PDE1C: variants seen among roughly 807,000 people sequenced by gnomAD.
PDE1C encodes the protein phosphodiesterase 1C.
Under a neutral mutation model 93.1 loss-of-function variants are expected in PDE1C, and 62 were observed. The ratio of observed to expected loss-of-function variants is 0.67; its 90% CI spans 0.54 to 0.82. The LOEUF is 0.82. Among genes scored for constraint, PDE1C ranks in the 40% least tolerant of loss-of-function variants. The probability of loss-of-function intolerance (pLI) is 0.00; values close to 1 mark genes in which losing one functional copy is unlikely to be tolerated. For synonymous variants in PDE1C, 325 were observed against 310.1 expected (o/e 1.05, Z -0.50); for missense variants, 742 against 884.6 (o/e 0.84, Z 2.04).
chr7:31,828,568 T>C (rs1056331632), intron 11 of PDE1C, among the ~76,000 whole-genome samples, 195 bp from the exon 12 acceptor site: 1 of 152,166 alleles, frequency 6.6e-6, no homozygotes, highest in Non-Finnish European at 1.5e-5. Context: ...TGGGATCCAA[T>C]AGTTCCACCC....
At chr7:32,409,529 T>G (rs955047426) in intron 1 of PDE1C, among the ~76,000 whole-genome samples, 1 of 151,954 alleles carries the variant, frequency 6.6e-6, no homozygotes. Flanking sequence ...AGCAATAGAA[T>G]GCAACAGAAC....
chr7:31,974,525 G>C (rs1259809449), intron 2 of PDE1C, among the ~76,000 whole-genome samples: 1 of 152,110 alleles, frequency 6.6e-6, no homozygotes, highest in African/African-American at 2.4e-5. Flanking sequence ...CCACTGAAAT[G>C]ATGGCACTGT....
At position 31,964,865 on chromosome 7, in the gene PDE1C, G is replaced by A. The variant is rs147031159; in HGVS notation, c.129-84005C>T. The stretch of plus-strand genomic sequence containing the variant: ...CAAACAGGGTCTGGAGTGGACCTCC[G>A]GCAAACTCCAACAGACCTACAGCTG... On this transcript the variant is annotated intron_variant, in intron 2 of 17. Transcript: ENST00000396191. Among the ~76,000 whole-genome samples the A allele has an allele frequency of 3.8e-3, 575 of 152,272 alleles. 20 individuals are homozygous for A. In the East Asian group the frequency reaches 0.086, roughly 23 times the overall value.
At chr7:31,632,013 A>C in the PDE1C span, among the ~76,000 whole-genome samples, 1 of 152,190 alleles carries the variant, frequency 6.6e-6, no homozygotes, top group African/African-American at 2.4e-5. Context: ...GTTAGGAATG[A>C]AGGCTTCCAG....
At chr7:32,156,129 A>AT (rs920731042) in intron 3 of PDE1C, among the ~76,000 whole-genome samples, 3 of 151,910 alleles carry the variant, frequency 2.0e-5, no homozygotes, top group African/African-American at 7.3e-5. Flanking sequence ...ATTTTATTTT[A>AT]TTTTTACTTA....
chr7:31,779,098 C>A (rs1461803391), intron 16 of PDE1C, among the ~76,000 whole-genome samples: 5 of 152,210 alleles, frequency 3.3e-5, no homozygotes, highest in African/African-American at 1.2e-4. Context: ...TCGGAGCCAG[C>A]ACTTCCAGAG....
intron 2 of PDE1C, among the ~76,000 whole-genome samples, chr7:31,881,209 T>C (rs1272376649): frequency 1.3e-5 from 2 of 152,192 alleles, no homozygotes; most frequent in African/African-American, 4.8e-5. Flanking sequence ...AATCACCAAA[T>C]ACCTCTTGAG....
chr7:31,716,667 A>G, the PDE1C span, among the ~76,000 whole-genome samples: 12 of 152,352 alleles, frequency 7.9e-5, no homozygotes, highest in African/African-American at 2.9e-4. Flanking sequence ...ACAGCAAACC[A>G]CGTAGTTATA....
At chr7:32,391,350 A>G (rs1784745449) in intron 1 of PDE1C, among the ~76,000 whole-genome samples, 1 of 152,208 alleles carries the variant, frequency 6.6e-6, no homozygotes, top group Non-Finnish European at 1.5e-5. Flanking sequence ...AATACACATG[A>G]AGCAAAAATT....
At chr7:31,682,257 A>G in the PDE1C span, among the ~76,000 whole-genome samples, 1 of 152,226 alleles carries the variant, frequency 6.6e-6, no homozygotes, top group Non-Finnish European at 1.5e-5. Context: ...TGTTAAATAT[A>G]GGAAAGGAAA....
chr7:32,158,262 C>T (rs1055491811), intron 3 of PDE1C, among the ~76,000 whole-genome samples: 1 of 152,178 alleles, frequency 6.6e-6, no homozygotes, highest in Non-Finnish European at 1.5e-5. Flanking sequence ...GATATGCCCG[C>T]CTCAAGTACT....
the PDE1C span, among the ~76,000 whole-genome samples, chr7:31,622,596 A>G: frequency 6.6e-6 from 1 of 152,124 alleles, no homozygotes; most frequent in East Asian, 1.9e-4. Flanking sequence ...TCTCTGGGAC[A>G]CATTCAAAGC....
intron 3 of PDE1C, among the ~76,000 whole-genome samples, chr7:32,110,400 C>T (rs895670508): frequency 6.6e-6 from 1 of 152,152 alleles, no homozygotes; most frequent in African/African-American, 2.4e-5. Context: ...AAGACCCACC[C>T]CTATAATTCA....
At chr7:32,374,106 A>G (rs1562695689) in intron 1 of PDE1C, among the ~76,000 whole-genome samples, 1 of 117,212 alleles carries the variant, frequency 8.5e-6, no homozygotes, top group Non-Finnish European at 1.7e-5. Flanking sequence ...GAGGGAGGGA[A>G]GGAAGGAAGG....
At chr7:31,808,990 G>T (rs1251027961) in intron 16 of PDE1C, 41 bp downstream of exon 16, 1 of 1,156,720 alleles carries the variant, frequency 8.6e-7, no homozygotes, top group South Asian at 1.3e-5. Context: ...ACATTAAACT[G>T]CACATTTTAT....
rs113761117 is a variant in PDE1C, at chr7:32,293,837, C to A, written c.85+4814G>T. ...CTTTGCTCCCTGCCATCACTCCCAA[C>A]CAGGTGTAAAAGCTCCAAAGTTCTT... On this transcript the variant is annotated intron_variant, in intron 1 of 18. Coordinates refer to the PDE1C transcript ENST00000396193. Among the ~76,000 whole-genome samples the A allele has an allele frequency of 3.3e-3, 503 of 152,292 alleles. 3 individuals carry two copies. The highest frequency in any genetic ancestry group is 0.012 in the African/African-American group (478 of 41,540).
intron 2 of PDE1C, among the ~76,000 whole-genome samples, chr7:31,943,635 C>A (rs1033659451): frequency 2.0e-5 from 3 of 152,108 alleles, no homozygotes; most frequent in African/African-American, 7.2e-5. Context: ...AACCCATGAA[C>A]AATGACTAAT....
intron 2 of PDE1C, among the ~76,000 whole-genome samples, chr7:32,041,127 T>C (rs955415171): frequency 3.9e-5 from 6 of 152,178 alleles, no homozygotes; most frequent in African/African-American, 1.4e-4. Flanking sequence ...AGTCTTCCTA[T>C]GTGCCTCACA....
At chr7:31,878,140 G>A (rs1796821459) in intron 4 of PDE1C, 104 bp from the exon 5 acceptor site, 2 of 729,256 alleles carry the variant, frequency 2.7e-6, no homozygotes, top group East Asian at 2.8e-5. Flanking sequence ...AGTCAAGTGG[G>A]GTGATCCAAA....
Sources: allele counts gnomAD v4.1 joint callset (sites outside exome capture counted in the v4.1 genomes callset), GRCh38; gene constraint gnomAD v4.1.1; transcripts MANE v1.5; gene names NCBI Gene and HGNC (gene_info 2026-07-23, HGNC 2026-07-21).